Variants in PTPRF observed in about 807,000 individuals in gnomAD.
PTPRF encodes the protein receptor-type tyrosine-protein phosphatase F.
Under a neutral mutation model 201.8 loss-of-function variants are expected in PTPRF, and 59 were observed. The observed-to-expected ratio is 0.29, with a 90% confidence interval of 0.24 to 0.36. The LOEUF (loss-of-function observed/expected upper bound fraction) is 0.36, where lower values mean the gene tolerates loss of function less well. Ranked by LOEUF, PTPRF falls within the 10% of genes least tolerant of loss-of-function variation. The pLI, the probability that PTPRF is intolerant of heterozygous loss-of-function variation, is 1.00. For missense variants in PTPRF, 2,132 were observed against 2,690.5 expected (o/e 0.79, Z 4.59); for synonymous variants, 1,088 against 1,089.7 (o/e 1.00, Z 0.03).
In PTPRF at chr1:43,617,426, CT is replaced by C. The variant is rs1658142750; in HGVS notation, c.4072-16del. On this transcript the variant is annotated intron_variant, in intron 23 of 33. Transcript: ENST00000359947. ...CTTGGCTCTTACCCCACCCCACCCGCTTTCTCCATTCTCTGCAGTCCATCGA... is the reference window on the plus strand; with the variant it reads ...CTTGGCTCTTACCCCACCCCACCCGCTTCTCCATTCTCTGCAGTCCATCGA... 1 of 1,613,926 alleles carries C rather than the reference CT, an allele frequency of 6.2e-7. No homozygotes were observed. Among genetic ancestry groups the C allele is most frequent in the African/African-American group, 1.3e-5 (1 of 74,916 alleles).
At position 43,597,904 on chromosome 1, in the gene PTPRF, A is replaced by G. The variant is rs1652775437; in HGVS notation, c.1970A>G (p.His657Arg). The stretch of plus-strand genomic sequence containing the variant: ...GTGGACGGCGAGGACCGCGGGCGGC[A>G]TGTGGTGGATGGCATCAGCCGTGAG... Reference protein sequence around the residue: ...EAVDGEDRGRHVVDGISREHS... With the variant: ...EAVDGEDRGRRVVDGISREHS... The change falls in exon 12 of 34, where the codon CAT (histidine) becomes CGT (arginine). Residue 657 changes from histidine (H) to arginine (R), a missense_variant. By Grantham distance (29) the His-to-Arg change is conservative. Around this residue, in one of 6 missense-constraint regions of PTPRF, gnomAD observed 125 missense variants for 211.9 expected, o/e 0.59. Coordinates refer to ENST00000359947, the MANE Select transcript of PTPRF (RefSeq NM_002840.5). 8.7e-6 allele frequency: 14 copies of G among 1,603,670 alleles called. No homozygotes were observed. Among genetic ancestry groups the G allele is most frequent in the Non-Finnish European group, 1.1e-5 (13 of 1,175,656 alleles).
At chr1:43,529,716 C>T (rs1643288897), upstream of PTPRF, among the ~76,000 whole-genome samples, 1 of 151,660 alleles carries the variant, frequency 6.6e-6, no homozygotes, top group Non-Finnish European at 1.5e-5. Flanking sequence ...TGCGTGGGGG[C>T]GGGGTCTGGA....
At chr1:43,608,373 TCTACTTCTAATC>T (rs1198581072) in intron 21 of PTPRF, among the ~76,000 whole-genome samples, 1 of 152,190 alleles carries the variant, frequency 6.6e-6, no homozygotes, top group Non-Finnish European at 1.5e-5. Flanking sequence ...CACCTCCCCC[TCTACTTCTAATC>T]CTTGGGCCAG....
In PTPRF at chr1:43,569,577, T is replaced by C. The variant is rs765383752; in HGVS notation, c.380-13T>C. ...GAGCCAGCCCTAATACACACATTGC[T>C]GTTTGTCTGCAGAGGAACAGCTGCC... On this transcript the variant is annotated splice_polypyrimidine_tract_variant and intron_variant, in intron 5 of 33. Transcript: ENST00000359947. The C allele has an allele frequency of 9.4e-6, 15 of 1,591,234 alleles. No individual in the cohort carries two copies. In the South Asian group the frequency reaches 1.7e-4, roughly 18 times the overall value.
intron 1 of PTPRF, among the ~76,000 whole-genome samples, chr1:43,534,100 A>G (rs987367086): frequency 1.3e-5 from 2 of 152,144 alleles, no homozygotes; most frequent in African/African-American, 2.4e-5. Flanking sequence ...GTTTGGAGGG[A>G]TGAGTAGGAG....
At chr1:43,607,074 C>T in intron 21 of PTPRF, 106 bp downstream of exon 21, 1 of 1,448,096 alleles carries the variant, frequency 6.9e-7, no homozygotes, top group Non-Finnish European at 9.4e-7. Context: ...CATCCTGGAC[C>T]CTGAGCCTCA....
Position 43,569,705 on chromosome 1 carries a change from G to T in PTPRF, c.495G>T (p.Glu165Asp). 1 of 1,614,068 alleles carries T rather than the reference G, an allele frequency of 6.2e-7. No homozygotes were observed. Among genetic ancestry groups the T allele is most frequent in the Non-Finnish European group, 8.5e-7 (1 of 1,179,944 alleles). ...LCAAGGNPDP[E>D]ISWFKDFLPV... Reference sequence around the variant, plus strand: ...CCGCAGGCGGAAATCCAGACCCTGAGATTTCTTGGTTCAAGGACTTCCTTC... The same window carrying T: ...CCGCAGGCGGAAATCCAGACCCTGATATTTCTTGGTTCAAGGACTTCCTTC... Residue 165 changes from glutamate to aspartate, a missense_variant, in exon 6 of 34, where the codon GAG becomes GAT. Transcript: ENST00000359947.
rs1025349435 is a variant in PTPRF, at chr1:43,579,499, G to T, written c.679+579G>T. 3 of 335,390 alleles carry T rather than the reference G, an allele frequency of 8.9e-6. No individual in the cohort carries two copies. The Admixed American group carries it at 1.3e-4, about 14-fold the overall frequency. 20.8% of individuals were successfully genotyped at this position (335,390 alleles called of 1,614,324 possible). A position where few individuals can be genotyped will look rare whatever the true frequency, so the allele number is the denominator to read the frequency against. On this transcript the variant is annotated intron_variant, in intron 7 of 33. Transcript: ENST00000359947. ...TGAGCCCCTGTGGTTATGTTGCCTC[G>T]GGTGAGCACCTGGTGTGTTCCAGAT...
chr1:43,577,008 G>A (rs1394847535), intron 6 of PTPRF, among the ~76,000 whole-genome samples: 5 of 152,138 alleles, frequency 3.3e-5, no homozygotes, highest in African/African-American at 1.2e-4. Context: ...GGGTCCTGGT[G>A]TTGGTTCCAG....
chr1:43,530,062 T>C (rs114483239), upstream of PTPRF, among the ~76,000 whole-genome samples: 1,317 of 152,136 alleles, frequency 8.7e-3, 22 homozygotes, highest in African/African-American at 0.029. The surrounding 1 kb of genome is among the most constrained non-coding windows in gnomAD (Gnocchi z 4.1). Context: ...GCCAGTCTTA[T>C]CTTGGGTTCC....
chr1:43,591,429 G>A lies in PTPRF; in HGVS notation c.1407G>A (p.Ala469=), dbSNP rs369903923. 270 of 1,586,702 alleles carry A rather than the reference G, an allele frequency of 1.7e-4. 3 individuals are homozygous for A. The South Asian group carries it at 2.9e-3, about 17-fold the overall frequency. Residue 469 remains alanine, a synonymous_variant, in exon 9 of 34, where the codon GCG becomes GCA. Coordinates refer to ENST00000359947, the MANE Select transcript of PTPRF (RefSeq NM_002840.5). ...PNAWHKHNTD[A]GLLTTVGSLL... ...CCTGGCACAAGCACAACACCGACGC[G>A]GGGCTCCTCACGACCGTGGGCAGCC...
chr1:43,598,944 G>A (rs1042165934), intron 13 of PTPRF, 31 bp downstream of exon 13: 2 of 1,601,932 alleles, frequency 1.2e-6, no homozygotes, highest in Non-Finnish European at 1.7e-6. Flanking sequence ...GGGGTGGCAG[G>A]GTGAGCACAG....
chr1:43,615,026 A>G (rs952466214), intron 23 of PTPRF, among the ~76,000 whole-genome samples: 5 of 152,138 alleles, frequency 3.3e-5, no homozygotes, highest in Non-Finnish European at 7.3e-5. Flanking sequence ...GTTGGTGGAC[A>G]GGCAATTGAG....
upstream of PTPRF, among the ~76,000 whole-genome samples, chr1:43,524,047 T>C (rs1246237567): frequency 1.5e-5 from 1 of 67,788 alleles, no homozygotes; most frequent in African/African-American, 5.8e-5. Context: ...AGCGAGACTC[T>C]GTCAAAAAAA....
At chr1:43,597,596 G>A (rs1652666735) in intron 11 of PTPRF, 152 bp from the exon 12 acceptor site, 1 of 627,010 alleles carries the variant, frequency 1.6e-6, no homozygotes, top group Non-Finnish European at 2.8e-6. Context: ...GGCGAGAGTG[G>A]CAGCAGCCTG....
Position 43,545,188 on chromosome 1 carries a change from A to G in PTPRF, c.91+22A>G, listed in dbSNP as rs1181147294. 11 of 1,558,408 alleles carry G rather than the reference A, an allele frequency of 7.1e-6. 1 individual carries two copies. In the South Asian group the frequency reaches 1.1e-4, roughly 15 times the overall value. On this transcript the variant is annotated intron_variant, in intron 3 of 33. Coordinates refer to ENST00000359947, the MANE Select transcript of PTPRF (RefSeq NM_002840.5). ...GACAGTAAGTCTGACCCCTCAAGGTACAGATCTCCCAGGTTGAAAGGTGGC... is the reference window on the plus strand; with the variant it reads ...GACAGTAAGTCTGACCCCTCAAGGTGCAGATCTCCCAGGTTGAAAGGTGGC...
intron 23 of PTPRF, among the ~76,000 whole-genome samples, chr1:43,616,612 C>G (rs1456620649): frequency 6.6e-6 from 1 of 151,848 alleles, no homozygotes; most frequent in Non-Finnish European, 1.5e-5. Context: ...AGCTTGACTT[C>G]TAGGTTCTGG....
intron 11 of PTPRF, among the ~76,000 whole-genome samples, chr1:43,596,312 G>A (rs1652250355): frequency 6.6e-6 from 1 of 152,178 alleles, no homozygotes; most frequent in Non-Finnish European, 1.5e-5. Context: ...AGCCTCCAGG[G>A]CATGACCACA....
chr1:43,525,666 G>A (rs775702903), upstream of PTPRF, among the ~76,000 whole-genome samples: 11 of 151,900 alleles, frequency 7.2e-5, no homozygotes, highest in Admixed American at 3.9e-4. Context: ...TTAGCTGGGC[G>A]TGGTGGCGGG....
Sources: allele counts gnomAD v4.1 joint callset (sites outside exome capture counted in the v4.1 genomes callset), GRCh38; gene constraint gnomAD v4.1.1; regional missense constraint gnomAD v4.1.1; non-coding constraint Gnocchi (gnomAD v3.1); transcripts MANE v1.5; gene names NCBI Gene and HGNC (gene_info 2026-07-23, HGNC 2026-07-21).